CCDC141: variants seen among roughly 807,000 people sequenced by gnomAD.
CCDC141 encodes the protein coiled-coil domain containing 141.
A neutral mutation model predicts 181.0 loss-of-function variants in CCDC141; 168 were observed. That is an observed-to-expected ratio of 0.93 (90% CI 0.82 to 1.05). The LOEUF (loss-of-function observed/expected upper bound fraction) is 1.05. Among genes scored for constraint, CCDC141 ranks in the 50% least tolerant of loss-of-function variants. CCDC141 has a pLI of 0.00. For missense variants in CCDC141, 1,902 were observed against 1,788.5 expected, an observed-to-expected ratio of 1.06 and a Z score of -1.14; for synonymous variants, 666 against 642.3, an observed-to-expected ratio of 1.04 and a Z score of -0.56.
intron 2 of CCDC141, among the ~76,000 whole-genome samples, chr2:179,011,571 C>T (rs2042271858): frequency 1.3e-5 from 2 of 152,120 alleles, no homozygotes; most frequent in South Asian, 4.2e-4. Flanking sequence ...ATCATCAAGA[C>T]AGAAAGTCAA....
intron 9 of CCDC141, among the ~76,000 whole-genome samples, chr2:178,887,842 C>T (rs1197946563): frequency 6.6e-6 from 1 of 152,268 alleles, no homozygotes; most frequent in Non-Finnish European, 1.5e-5. Context: ...GCCTCTGCAG[C>T]AAGATTCATT....
At chr2:178,981,991 G>C (rs577033057) in intron 2 of CCDC141, among the ~76,000 whole-genome samples, 1 of 151,840 alleles carries the variant, frequency 6.6e-6, no homozygotes, top group South Asian at 2.1e-4. Flanking sequence ...GATATTAAAA[G>C]GATAAAAAGG....
rs1322891425 is a variant in CCDC141 at position 178,865,869 on chromosome 2, G to A, written c.2622C>T (p.Leu874=). Residue 874 remains leucine (L), a synonymous_variant, in exon 17 of 24, where the codon CTC becomes CTT. Coordinates refer to ENST00000443758, the MANE Select transcript of CCDC141 (RefSeq NM_173648.4). ...SAKNLQQQLE[L]LEEDSMKWRA... ...GCCACTTCATGCTGTCCTCCTCAAGGAGCTCCAGCTGCTGCTGTAGGTTCT... is the reference window on the plus strand; with the variant it reads ...GCCACTTCATGCTGTCCTCCTCAAGAAGCTCCAGCTGCTGCTGTAGGTTCT... 1.2e-6 allele frequency: 2 copies of A among 1,603,258 alleles called. No individual in the cohort carries two copies. Among genetic ancestry groups the A allele is most frequent in the Non-Finnish European group, 1.7e-6 (2 of 1,174,432 alleles).
At chr2:178,872,107 T>G in intron 13 of CCDC141, 26 bp downstream of exon 13, 3 of 1,601,442 alleles carry the variant, frequency 1.9e-6, no homozygotes, top group Non-Finnish European at 2.6e-6. Flanking sequence ...TCATTCCTTT[T>G]CACATCCCAT....
intron 19 of CCDC141, 126 bp downstream of exon 19, chr2:178,855,221 A>C: frequency 1.3e-6 from 1 of 741,882 alleles, no homozygotes; most frequent in East Asian, 3.0e-5. Context: ...AGGAAAAAAA[A>C]TCATGAAAAG....
At position 178,834,372 on chromosome 2, in the gene CCDC141, G is replaced by T. The variant is rs1231309141; in HGVS notation, c.4394C>A (p.Ser1465Ter). ...CTTGCATACCTTTGGAATGAACACC[G>T]AATGCCTTGTCTCCTTGTGTAAAAC... ...LQVLHKETRH[S>*]VFIPKVCKAD... Residue 1465 changes from serine to a stop codon, truncating the protein, a stop_gained, in exon 24 of 24, where the codon TCG becomes TAG. Transcript: ENST00000443758. LOFTEE classifies it high-confidence loss of function. The T allele has an allele frequency of 1.3e-6, 2 of 1,536,310 alleles. No individual in the cohort carries two copies. The highest frequency in any genetic ancestry group is 1.7e-6 in the Non-Finnish European group (2 of 1,146,868).
chr2:178,948,870 C>T (rs1325120827), intron 5 of CCDC141, among the ~76,000 whole-genome samples: 1 of 152,184 alleles, frequency 6.6e-6, no homozygotes, highest in Non-Finnish European at 1.5e-5. Flanking sequence ...ATCTTTCAGC[C>T]AGCAGAATCA....
intron 11 of CCDC141, among the ~76,000 whole-genome samples, chr2:178,883,284 G>GA (rs1410566703): frequency 3.3e-5 from 5 of 152,048 alleles, no homozygotes; most frequent in African/African-American, 4.8e-5. Context: ...TTAGGGTCAA[G>GA]AACTAAAAAG....
chr2:178,985,788 A>T (rs569332538), intron 2 of CCDC141, among the ~76,000 whole-genome samples: 1 of 152,326 alleles, frequency 6.6e-6, no homozygotes, highest in Admixed American at 6.5e-5. Flanking sequence ...ATCTCTGAAT[A>T]GACCAATAAC....
intron 2 of CCDC141, 96 bp downstream of exon 2, chr2:179,047,188 G>T: frequency 1.8e-6 from 2 of 1,093,926 alleles, no homozygotes; most frequent in Non-Finnish European, 2.5e-6. Context: ...TATTAAAGTG[G>T]CCCTAGGCCA....
At chr2:178,896,445 G>A (rs1190673696) in intron 8 of CCDC141, among the ~76,000 whole-genome samples, 2 of 152,118 alleles carry the variant, frequency 1.3e-5, no homozygotes, top group Non-Finnish European at 2.9e-5. Context: ...TGTCCCTGAG[G>A]CCTGGTGCTG....
chr2:178,893,832 C>T (rs1048524301), intron 8 of CCDC141, among the ~76,000 whole-genome samples: 3 of 151,672 alleles, frequency 2.0e-5, no homozygotes, highest in Non-Finnish European at 2.9e-5. Flanking sequence ...CGCACACACA[C>T]ACACACACAC....
intron 14 of CCDC141, 92 bp from the exon 15 acceptor site, chr2:178,869,397 C>A (rs1348596955): frequency 1.1e-6 from 1 of 878,042 alleles, no homozygotes; most frequent in Admixed American, 3.3e-5. Flanking sequence ...ATGAATCACT[C>A]TTTCATTTGT....
intron 20 of CCDC141, among the ~76,000 whole-genome samples, chr2:178,851,012 C>A (rs1685141317): frequency 6.6e-6 from 1 of 152,062 alleles, no homozygotes; most frequent in African/African-American, 2.4e-5. Flanking sequence ...TCGAGACCAG[C>A]CTGACCAACA....
intron 6 of CCDC141, among the ~76,000 whole-genome samples, chr2:178,924,612 A>T (rs1003506551): frequency 2.0e-5 from 3 of 152,152 alleles, no homozygotes; most frequent in African/African-American, 7.2e-5. Context: ...TGCTCCCTTC[A>T]GGGGCATTTC....
chr2:178,905,209 C>T lies in CCDC141; in HGVS notation c.1265+120G>A, dbSNP rs930059402. 16 of 883,780 alleles carry T rather than the reference C, an allele frequency of 1.8e-5. No homozygotes were observed. In the African/African-American group the frequency reaches 2.2e-4, roughly 12 times the overall value. The allele number at this position is 883,780 out of a possible 1,614,324, so 54.7% of individuals were successfully genotyped here. On this transcript the variant is annotated intron_variant, in intron 8 of 23. Transcript: ENST00000443758. The stretch of plus-strand genomic sequence containing the variant: ...CAAACTTCAATAGATCCTTTTAAGC[C>T]ATATCATAATGCAGCAAAACATCAG...
chr2:178,927,357 A>G (rs1174427167), intron 6 of CCDC141, among the ~76,000 whole-genome samples: 5 of 152,280 alleles, frequency 3.3e-5, no homozygotes, highest in East Asian at 3.9e-4. Flanking sequence ...ACGAGTGTGT[A>G]GCAGAAAGTG....
intron 2 of CCDC141, among the ~76,000 whole-genome samples, chr2:178,990,655 TACA>T (rs1692011569): frequency 6.6e-6 from 1 of 151,578 alleles, no homozygotes; most frequent in African/African-American, 2.4e-5. Flanking sequence ...CAATACATGC[TACA>T]ACATTGGTGA....
chr2:178,912,254 G>C (rs1688248648), intron 7 of CCDC141, among the ~76,000 whole-genome samples: 1 of 152,164 alleles, frequency 6.6e-6, no homozygotes, highest in African/African-American at 2.4e-5. Flanking sequence ...CCAACAGAGA[G>C]ATGCAACAAT....
Sources: gnomAD v4.1 joint callset for allele counts (sites outside exome capture counted in the v4.1 genomes callset) on GRCh38, gnomAD v4.1.1 for gene constraint, MANE v1.5 for transcripts, NCBI Gene and HGNC (gene_info 2026-07-23, HGNC 2026-07-21) for gene names.